RCL1: variants seen among roughly 807,000 people sequenced by gnomAD.
The protein encoded by RCL1 is RNA 3'-terminal phosphate cyclase-like protein.
In RCL1, 24 loss-of-function variants were observed where a neutral mutation model predicts 42.4. That is an observed-to-expected ratio of 0.57 (90% CI 0.41 to 0.80). The LOEUF is 0.80. RCL1 is among the 30% of genes least tolerant of loss of function. The pLI is 0.00. For synonymous variants in RCL1, 228 were observed against 177.3 expected (o/e 1.29, Z -2.27); for missense variants, 578 against 467.9 (o/e 1.24, Z -2.17).
Position 4,860,254 on chromosome 9 carries a change from C to A in RCL1, c.1101C>A (p.Asn367Lys). 4.3e-6 allele frequency: 7 copies of A among 1,613,496 alleles called. No individual in the cohort carries two copies. Among genetic ancestry groups the A allele is most frequent in the Admixed American group, 1.7e-5 (1 of 59,890 alleles). ...CCTGTGTTGGCATTGGTTTCTCCAA[C>A]CTTAGCAAGACCCTCAAGTGATAAC... ...LMTCVGIGFSNLSKTLK is the reference protein window; with the variant it reads ...LMTCVGIGFSKLSKTLK The change falls in exon 9 of 9, where the codon AAC becomes AAA. Residue 367 changes from asparagine (N) to lysine (K), a missense_variant. Asn to Lys is a moderately conservative substitution (Grantham distance 94). Coordinates refer to ENST00000381750, the MANE Select transcript of RCL1 (RefSeq NM_005772.5).
intron 1 of RCL1, among the ~76,000 whole-genome samples, chr9:4,795,371 C>T (rs1842897870): frequency 6.6e-6 from 1 of 152,202 alleles, no homozygotes; most frequent in African/African-American, 2.4e-5. Context: ...GTGTGAGCCG[C>T]TGCGCCCAGC....
intron 1 of RCL1, 151 bp downstream of exon 1, chr9:4,793,378 A>T: frequency 1.8e-5 from 10 of 549,338 alleles, no homozygotes; most frequent in East Asian, 1.6e-4. Context: ...CCAAAGCCGG[A>T]GGGGCAGGCA....
intron 7 of RCL1, among the ~76,000 whole-genome samples, chr9:4,847,198 G>C (rs552450963): frequency 6.6e-6 from 1 of 152,026 alleles, no homozygotes. Context: ...CTTTAGTTGA[G>C]ATCTACTTTC....
intron 2 of RCL1, among the ~76,000 whole-genome samples, chr9:4,825,354 G>A (rs748206889): frequency 8.5e-5 from 13 of 152,064 alleles, no homozygotes; most frequent in Admixed American, 2.6e-4. Context: ...ATAAACATAC[G>A]GATTTGAAGC....
intron 8 of RCL1, among the ~76,000 whole-genome samples, chr9:4,851,332 T>G (rs1817740702): frequency 6.6e-6 from 1 of 152,200 alleles, no homozygotes; most frequent in South Asian, 2.1e-4. Flanking sequence ...CCCAGAGCTT[T>G]GTGCAGACGG....
chr9:4,817,613 C>A (rs186588072), intron 1 of RCL1, among the ~76,000 whole-genome samples: 27 of 152,020 alleles, frequency 1.8e-4, no homozygotes, highest in Admixed American at 1.3e-3. Flanking sequence ...ACCCTGCCCC[C>A]CTGAGTAGCT....
intron 3 of RCL1, among the ~76,000 whole-genome samples, chr9:4,831,188 A>C (rs1001701163): frequency 2.0e-5 from 3 of 152,216 alleles, no homozygotes; most frequent in Admixed American, 6.5e-5. Flanking sequence ...GAGAGTGATA[A>C]AGGGACAGGA....
In RCL1 at chr9:4,844,637, C is replaced by G; in HGVS notation, c.823C>G (p.Leu275Val). Residue 275 changes from leucine to valine, a missense_variant, in exon 7 of 9, where the codon CTT (leucine) becomes GTT (valine). Physicochemically the swap from Leu to Val is conservative, Grantham distance 32. Transcript: ENST00000381750. ...GQGAAVLPED[L>V]GRNCARLLLE... is the part of the protein sequence containing the mutation. ...GGGAGCAGCAGTACTTCCAGAGGAC[C>G]TTGGCAGGAACTGTGCCCGGCTGCT... is the stretch of plus-strand genomic sequence containing the variant. 1.2e-6 allele frequency: 2 copies of G among 1,613,888 alleles called. No individual in the cohort carries two copies. The highest frequency in any genetic ancestry group is 1.7e-6 in the Non-Finnish European group (2 of 1,179,958).
chr9:4,847,305 T>C (rs1398604582), intron 7 of RCL1, among the ~76,000 whole-genome samples: 1 of 152,220 alleles, frequency 6.6e-6, no homozygotes, highest in Non-Finnish European at 1.5e-5. Flanking sequence ...ATTAAAAGGA[T>C]GGAAATACTT....
At chr9:4,820,284 A>G (rs1165990846) in intron 1 of RCL1, among the ~76,000 whole-genome samples, 1 of 152,142 alleles carries the variant, frequency 6.6e-6, no homozygotes, top group African/African-American at 2.4e-5. Context: ...TGGCCTAGTA[A>G]AGTTTGGGGA....
In RCL1 at chr9:4,804,805, C is replaced by A. The variant is rs148933186; in HGVS notation, c.136+11578C>A. The A allele has an allele frequency of 8.1e-3, 1,373 of 169,232 alleles. 22 individuals carry two copies. The highest frequency in any genetic ancestry group is 0.031 in the African/African-American group (1,284 of 41,664). 10.5% of individuals were successfully genotyped at this position (169,232 alleles called of 1,614,324 possible). On this transcript the variant is annotated intron_variant, in intron 1 of 8. Coordinates refer to ENST00000381750, the MANE Select transcript of RCL1 (RefSeq NM_005772.5). The stretch of plus-strand genomic sequence containing the variant: ...GAATTGGAAGGGATGAAGTCCTGGT[C>A]CATGAGGTCATGGGACTCCTCCCAT...
chr9:4,823,052 G>A (rs1816647767), intron 1 of RCL1, among the ~76,000 whole-genome samples: 1 of 152,120 alleles, frequency 6.6e-6, no homozygotes, highest in South Asian at 2.1e-4. Context: ...GGGATACTTT[G>A]CTGAAAGGCA....
Position 4,826,923 on chromosome 9 carries a change from C to G in RCL1, c.274C>G (p.Leu92Val), listed in dbSNP as rs1417297590. ...ATCTGTGGAACATGACTGTAGCGTC[C>G]TTCGTGGCATTGGGTATTACCTGGA... is the stretch of plus-strand genomic sequence containing the variant. ...GGSVEHDCSV[L>V]RGIGYYLESL... Residue 92 changes from leucine to valine, a missense_variant, in exon 3 of 9, where the codon CTT (leucine) becomes GTT (valine). Coordinates refer to ENST00000381750, the MANE Select transcript of RCL1 (RefSeq NM_005772.5). 1.2e-6 allele frequency: 2 copies of G among 1,614,124 alleles called. No homozygotes were observed. The highest frequency in any genetic ancestry group is 3.3e-5 in the Admixed American group (2 of 60,024).
chr9:4,815,849 G>T (rs1816355979), intron 1 of RCL1, among the ~76,000 whole-genome samples: 1 of 152,104 alleles, frequency 6.6e-6, no homozygotes, highest in Admixed American at 6.5e-5. Context: ...AGTGTCTAAG[G>T]TATTGATAGG....
chr9:4,847,543 C>T (rs1817564472), intron 7 of RCL1, among the ~76,000 whole-genome samples: 1 of 152,204 alleles, frequency 6.6e-6, no homozygotes, highest in Non-Finnish European at 1.5e-5. Flanking sequence ...TCACTGCCTG[C>T]CTCCCTGCTC....
chr9:4,818,757 A>G (rs1342488860), intron 1 of RCL1, among the ~76,000 whole-genome samples: 1 of 151,810 alleles, frequency 6.6e-6, no homozygotes, highest in Non-Finnish European at 1.5e-5. Context: ...CTGTAGTCCT[A>G]GCTACTCGGG....
At chr9:4,811,270 G>A (rs1388876959) in intron 1 of RCL1, among the ~76,000 whole-genome samples, 3 of 139,192 alleles carry the variant, frequency 2.2e-5, no homozygotes, top group African/African-American at 5.4e-5. Context: ...GCAAAACCCT[G>A]TATCTTTGCA....
chr9:4,810,137 A>G (rs1195891024), intron 1 of RCL1, among the ~76,000 whole-genome samples: 1 of 152,102 alleles, frequency 6.6e-6, no homozygotes, highest in Non-Finnish European at 1.5e-5. Context: ...CAGTTTTCGT[A>G]TTTTTAAAGG....
chr9:4,844,557 A>C lies in RCL1; in HGVS notation c.743A>C (p.Glu248Ala), dbSNP rs368722724. The C allele has an allele frequency of 9.9e-6, 16 of 1,613,360 alleles. No homozygotes were observed. Among genetic ancestry groups the C allele is most frequent in the Admixed American group, 3.3e-5 (2 of 59,912 alleles). Residue 248 changes from glutamate (E) to alanine (A), a missense_variant, in exon 7 of 9, where the codon GAG (glutamate) becomes GCG (alanine). Glu to Ala is a moderately radical substitution (Grantham distance 107, BLOSUM62 -1). Coordinates refer to ENST00000381750, the MANE Select transcript of RCL1 (RefSeq NM_005772.5). ...SPGFGLSLVA[E>A]TTSGTFLSAE... ...GGCTTTGGGTTGTCACTGGTTGCTGAGACCACCAGTGGCACCTTCCTCAGT... is the reference window on the plus strand; with the variant it reads ...GGCTTTGGGTTGTCACTGGTTGCTGCGACCACCAGTGGCACCTTCCTCAGT...
Sources: gnomAD v4.1 joint callset for allele counts (sites outside exome capture counted in the v4.1 genomes callset) on GRCh38, gnomAD v4.1.1 for gene constraint, MANE v1.5 for transcripts, NCBI Gene and HGNC (gene_info 2026-07-23, HGNC 2026-07-21) for gene names.